Variants in PLCB1 observed in about 807,000 individuals in gnomAD.
PLCB1 encodes 1-phosphatidylinositol 4,5-bisphosphate phosphodiesterase beta-1.
In PLCB1, 46 loss-of-function variants were observed where a neutral mutation model predicts 161.8. The observed-to-expected ratio is 0.28, with a 90% confidence interval of 0.22 to 0.36. The LOEUF is 0.36. Ranked by LOEUF, PLCB1 falls within the 10% of genes least tolerant of loss-of-function variation. The probability of loss-of-function intolerance (pLI) is 1.00; values close to 1 mark genes in which losing one functional copy is unlikely to be tolerated. For synonymous variants in PLCB1, 517 were observed against 503.7 expected, an observed-to-expected ratio of 1.03 and a Z score of -0.35; for missense variants, 1,016 against 1,472.5, an observed-to-expected ratio of 0.69 and a Z score of 5.07.
At chr20:8,695,056 A>G (rs772069098) in intron 10 of PLCB1, among the ~76,000 whole-genome samples, 10 of 152,200 alleles carry the variant, frequency 6.6e-5, no homozygotes, top group Non-Finnish European at 1.2e-4. Flanking sequence ...AGGAATGGCA[A>G]TTTGATTATC....
intron 11 of PLCB1, among the ~76,000 whole-genome samples, chr20:8,704,877 G>A (rs1978575764): frequency 6.6e-6 from 1 of 152,074 alleles, no homozygotes; most frequent in South Asian, 2.1e-4. Flanking sequence ...TAAGAATAAG[G>A]AGAGCTAATG....
intron 7 of PLCB1, chr20:8,651,649 A>T (rs557036326): frequency 1.7e-6 from 1 of 577,816 alleles, no homozygotes; most frequent in South Asian, 2.3e-5. Flanking sequence ...ATGGTGGTGA[A>T]GAAAATGAAA....
At chr20:8,171,886 T>A (rs2051736154) in intron 2 of PLCB1, among the ~76,000 whole-genome samples, 1 of 152,228 alleles carries the variant, frequency 6.6e-6, no homozygotes, top group Non-Finnish European at 1.5e-5. Context: ...TAGCACTTCC[T>A]TAATTAGTTT....
At chr20:8,845,125 TAAATA>T (rs11474524) in intron 31 of PLCB1, among the ~76,000 whole-genome samples, 4 of 151,092 alleles carry the variant, frequency 2.6e-5, no homozygotes, top group Admixed American at 6.6e-5. Flanking sequence ...AAAAAATAAA[TAAATA>T]AAATAAAATA....
chr20:8,538,657 A>G (rs1226281638), intron 3 of PLCB1, among the ~76,000 whole-genome samples: 2 of 151,970 alleles, frequency 1.3e-5, no homozygotes, highest in African/African-American at 4.8e-5. Flanking sequence ...CTGATAAGGT[A>G]CTCTTTTATG....
intron 3 of PLCB1, among the ~76,000 whole-genome samples, chr20:8,582,566 T>C (rs925803279): frequency 5.9e-5 from 9 of 152,222 alleles, no homozygotes; most frequent in Admixed American, 4.6e-4. Context: ...AGAGCTTCTC[T>C]CAATGAATCC....
chr20:8,626,817 CA>C (rs1988363620), intron 3 of PLCB1, among the ~76,000 whole-genome samples: 1 of 152,172 alleles, frequency 6.6e-6, no homozygotes. Context: ...CAATGGTGTT[CA>C]AAAACTTTGA....
chr20:8,265,493 A>G (rs1981912041), intron 2 of PLCB1, among the ~76,000 whole-genome samples: 1 of 152,200 alleles, frequency 6.6e-6, no homozygotes, highest in African/African-American at 2.4e-5. Context: ...GATAAAATAT[A>G]AAAACAGAGC....
At chr20:8,303,474 C>T (rs1371888407) in intron 2 of PLCB1, among the ~76,000 whole-genome samples, 1 of 152,176 alleles carries the variant, frequency 6.6e-6, no homozygotes, top group Non-Finnish European at 1.5e-5. Flanking sequence ...ACAGAAAACT[C>T]ATTAACTGGA....
chr20:8,191,509 GA>G (rs1451346960), intron 2 of PLCB1, among the ~76,000 whole-genome samples: 1 of 151,774 alleles, frequency 6.6e-6, no homozygotes. Context: ...CCAAGAACAA[GA>G]ACATTTTTTA....
chr20:8,792,279 A>T (rs907504517), intron 31 of PLCB1: 82 of 210,202 alleles, frequency 3.9e-4, no homozygotes, highest in Admixed American at 3.7e-3. Flanking sequence ...CCATTCTTAA[A>T]CCAATCATGG....
chr20:8,233,053 T>C (rs925002784), intron 2 of PLCB1, among the ~76,000 whole-genome samples: 6 of 152,194 alleles, frequency 3.9e-5, no homozygotes, highest in Non-Finnish European at 7.3e-5. Context: ...AGCTTTCAGC[T>C]TCCTCTGTAA....
chr20:8,718,933 TG>T (rs1979480485), intron 14 of PLCB1, among the ~76,000 whole-genome samples: 1 of 152,208 alleles, frequency 6.6e-6, no homozygotes, highest in Non-Finnish European at 1.5e-5. Context: ...ATCTGTGACA[TG>T]GCAAAATTAC....
rs577076166 is a variant in PLCB1, at chr20:8,788,472, C to T, written c.3135C>T (p.Val1045=). ...AGCTTATTCAAAAGTTGACGGATGT[C>T]GCAGAAGAGTGTCAGAACAATCAGT... ...IKLLIQKLTD[V]AEECQNNQLK... is the part of the protein sequence containing the mutation. Residue 1045 remains valine, a synonymous_variant, in exon 28 of 32, where the codon GTC becomes GTT. Transcript: ENST00000338037. 1.4e-5 allele frequency: 22 copies of T among 1,613,448 alleles called. No individual in the cohort carries two copies. The highest frequency in any genetic ancestry group is 1.2e-4 in the Admixed American group (7 of 59,916).
At chr20:8,222,448 T>G (rs1979462693) in intron 2 of PLCB1, among the ~76,000 whole-genome samples, 1 of 152,204 alleles carries the variant, frequency 6.6e-6, no homozygotes, top group Non-Finnish European at 1.5e-5. Context: ...ATCACTCAAA[T>G]TCATAGTTCA....
intron 31 of PLCB1, among the ~76,000 whole-genome samples, chr20:8,849,645 CA>C (rs1455328002): frequency 6.6e-6 from 1 of 151,152 alleles, no homozygotes; most frequent in Non-Finnish European, 1.5e-5. Flanking sequence ...CACTGCACTC[CA>C]GCCTGGGTGA....
intron 3 of PLCB1, among the ~76,000 whole-genome samples, chr20:8,535,202 CAAAAAAAAAAAAA>C (rs11323420): frequency 7.6e-5 from 4 of 52,794 alleles, no homozygotes; most frequent in Non-Finnish European, 1.1e-4. Flanking sequence ...AGTTTATGGG[CAAAAAAAAAAAAA>C]AAAAAAAAAA....
chr20:8,576,987 C>T (rs1296011951), intron 3 of PLCB1, among the ~76,000 whole-genome samples: 2 of 151,958 alleles, frequency 1.3e-5, no homozygotes, highest in Non-Finnish European at 2.9e-5. Flanking sequence ...GACCTTAATC[C>T]TGTAGAGCCA....
intron 4 of PLCB1, among the ~76,000 whole-genome samples, chr20:8,632,039 T>G (rs1283667983): frequency 2.0e-4 from 6 of 29,424 alleles, no homozygotes; most frequent in African/African-American, 3.8e-4. Context: ...TTTTTGCTTT[T>G]TTTTTTTTTT....
Sources: allele counts gnomAD v4.1 joint callset (sites outside exome capture counted in the v4.1 genomes callset), GRCh38; gene constraint gnomAD v4.1.1; transcripts MANE v1.5; gene names NCBI Gene and HGNC (gene_info 2026-07-23, HGNC 2026-07-21).